Variants in SPAG16 observed in about 807,000 individuals in gnomAD.
The protein encoded by SPAG16 is sperm-associated antigen 16 protein.
In SPAG16, 86 loss-of-function variants were observed where a neutral mutation model predicts 80.4. The ratio of observed to expected loss-of-function variants is 1.07; its 90% CI spans 0.90 to 1.28. The LOEUF (loss-of-function observed/expected upper bound fraction) is 1.28, where lower values mean the gene tolerates loss of function less well. SPAG16 is among the 50% of genes most tolerant of loss of function. SPAG16 has a pLI of 0.00. For missense variants in SPAG16, 870 were observed against 765.3 expected, an observed-to-expected ratio of 1.14 and a Z score of -1.61; for synonymous variants, 294 against 265.9, an observed-to-expected ratio of 1.11 and a Z score of -1.03.
At position 213,365,925 on chromosome 2, in the gene SPAG16, G is replaced by A. The variant is rs373339952; in HGVS notation, c.832+1780G>A. ...TGGGAGGCTGAGGCGGGCGGATCAC[G>A]AGGTCAGGAGATCGAGACCATCCCG... On this transcript the variant is annotated intron_variant, in intron 8 of 15. Coordinates refer to ENST00000331683, the MANE Select transcript of SPAG16 (RefSeq NM_024532.5). Among the ~76,000 whole-genome samples the A allele has an allele frequency of 1.8e-3, 264 of 150,436 alleles. 1 individual carries two copies. The highest frequency in any genetic ancestry group is 5.8e-3 in the African/African-American group (239 of 41,312).
intron 12 of SPAG16, among the ~76,000 whole-genome samples, chr2:214,011,435 C>G (rs2047277327): frequency 8.4e-6 from 1 of 118,388 alleles, no homozygotes; most frequent in Non-Finnish European, 1.7e-5. Context: ...TATTGGTATA[C>G]TTCTTGGGTC....
intron 10 of SPAG16, among the ~76,000 whole-genome samples, chr2:213,781,270 G>A (rs2069945756): frequency 6.6e-6 from 1 of 152,120 alleles, no homozygotes; most frequent in African/African-American, 2.4e-5. Flanking sequence ...CCATTATGGA[G>A]AGGGAAAAAC....
chr2:213,717,166 T>A (rs2066274364), intron 10 of SPAG16, among the ~76,000 whole-genome samples: 1 of 151,296 alleles, frequency 6.6e-6, no homozygotes, highest in Non-Finnish European at 1.5e-5. Flanking sequence ...ATTTTTTTTT[T>A]TTTTTTTGAG....
chr2:214,279,043 A>G (rs1235166531), intron 15 of SPAG16, among the ~76,000 whole-genome samples: 1 of 151,840 alleles, frequency 6.6e-6, no homozygotes, highest in Non-Finnish European at 1.5e-5. Context: ...AATTGGATGT[A>G]CCCTTGTGCC....
chr2:214,138,269 A>G (rs2055166097), intron 14 of SPAG16, among the ~76,000 whole-genome samples: 1 of 152,082 alleles, frequency 6.6e-6, no homozygotes, highest in South Asian at 2.1e-4. Context: ...TAGGGGAGAT[A>G]CTGGGAGATA....
intron 15 of SPAG16, among the ~76,000 whole-genome samples, chr2:214,180,456 A>C (rs1290461165): frequency 6.6e-6 from 1 of 151,706 alleles, no homozygotes. Context: ...TAATCATTAG[A>C]ATAGTATTTA....
rs1193522409 is a variant in SPAG16 at position 213,503,493 on chromosome 2, G to T, written c.1070+13403G>T. 3.9e-5 allele frequency among the ~76,000 whole-genome samples: 6 copies of T among 152,146 alleles called. No homozygotes were observed. The East Asian group carries it at 7.7e-4, about 20-fold the overall frequency. The stretch of plus-strand genomic sequence containing the variant: ...CCTCACCACCCCTCATGCCCTTCAG[G>T]TCTGATTTAACCTGTAATGTGACTT... On this transcript the variant is annotated intron_variant, in intron 10 of 15. Coordinates refer to ENST00000331683, the MANE Select transcript of SPAG16 (RefSeq NM_024532.5).
At chr2:213,725,726 T>A (rs1236971929) in intron 10 of SPAG16, among the ~76,000 whole-genome samples, 3 of 152,096 alleles carry the variant, frequency 2.0e-5, no homozygotes, top group African/African-American at 7.2e-5. Context: ...TTGACTTGAG[T>A]GTTTAAGAAG....
At chr2:213,999,117 T>C (rs1188698662) in intron 12 of SPAG16, among the ~76,000 whole-genome samples, 1 of 152,192 alleles carries the variant, frequency 6.6e-6, no homozygotes. Flanking sequence ...GAGGGGAATG[T>C]TAATCCCCAA....
At chr2:214,337,124 TC>T (rs373092279) in intron 15 of SPAG16, among the ~76,000 whole-genome samples, 3 of 151,710 alleles carry the variant, frequency 2.0e-5, no homozygotes, top group African/African-American at 7.2e-5. Flanking sequence ...ATGGTGCCAA[TC>T]CTTTCTGTAT....
At chr2:214,339,839 A>T (rs1697544710) in intron 15 of SPAG16, among the ~76,000 whole-genome samples, 1 of 152,152 alleles carries the variant, frequency 6.6e-6, no homozygotes, top group South Asian at 2.1e-4. Context: ...GGGGTTTTGT[A>T]GATGTCATTT....
In SPAG16 at chr2:213,359,580, C is replaced by T. The variant is rs977219286; in HGVS notation, c.763-4496C>T. Among the ~76,000 whole-genome samples, 3 of 152,316 alleles carry T rather than the reference C, an allele frequency of 2.0e-5. No individual in the cohort carries two copies. The East Asian group carries it at 5.8e-4, about 29-fold the overall frequency. ...CTCTGTGGGCGTCGGACCTGCTGAG[C>T]CAGGCACGGGAGAAAATCTCCTGGT... On this transcript the variant is annotated intron_variant, in intron 7 of 15. Transcript: ENST00000331683.
At chr2:214,036,329 C>T (rs559267914) in intron 13 of SPAG16, among the ~76,000 whole-genome samples, 1 of 152,288 alleles carries the variant, frequency 6.6e-6, no homozygotes, top group South Asian at 2.1e-4. Context: ...TTGTACTTTC[C>T]TTGGCTTAGC....
chr2:214,006,947 C>T (rs2047051813), intron 12 of SPAG16, among the ~76,000 whole-genome samples: 1 of 152,084 alleles, frequency 6.6e-6, no homozygotes, highest in Non-Finnish European at 1.5e-5. Flanking sequence ...TGCTCCTTCC[C>T]CCCCACCACC....
intron 15 of SPAG16, among the ~76,000 whole-genome samples, chr2:214,359,713 A>G (rs1699053806): frequency 6.6e-6 from 1 of 151,916 alleles, no homozygotes; most frequent in Admixed American, 6.6e-5. Flanking sequence ...GAGCAACAGA[A>G]TGTATCTCAA....
intron 10 of SPAG16, among the ~76,000 whole-genome samples, chr2:213,642,963 C>T (rs569566178): frequency 6.6e-6 from 1 of 151,378 alleles, no homozygotes; most frequent in East Asian, 2.0e-4. Context: ...GCTTTCCTTG[C>T]TCCTCAGCCT....
intron 9 of SPAG16, among the ~76,000 whole-genome samples, chr2:213,459,311 T>G (rs1185052635): frequency 6.6e-6 from 1 of 152,200 alleles, no homozygotes; most frequent in African/African-American, 2.4e-5. Flanking sequence ...TTTTTTCTTT[T>G]TGGGTGCAAG....
intron 9 of SPAG16, among the ~76,000 whole-genome samples, chr2:213,413,624 C>G (rs369806894): frequency 1.3e-5 from 2 of 152,084 alleles, no homozygotes; most frequent in African/African-American, 4.8e-5. Flanking sequence ...GAGCCAAGCA[C>G]TTGTAGCACA....
At chr2:213,323,943 G>T (rs1405343768) in intron 5 of SPAG16, among the ~76,000 whole-genome samples, 1 of 152,134 alleles carries the variant, frequency 6.6e-6, no homozygotes, top group African/African-American at 2.4e-5. Context: ...CATAGAATCA[G>T]AGTAGAATGG....
Sources: allele counts gnomAD v4.1 joint callset (sites outside exome capture counted in the v4.1 genomes callset), GRCh38; gene constraint gnomAD v4.1.1; transcripts MANE v1.5; gene names NCBI Gene and HGNC (gene_info 2026-07-23, HGNC 2026-07-21).